Variants in ZSCAN32 observed in about 807,000 individuals in gnomAD.
ZSCAN32 encodes the protein zinc finger and SCAN domain containing 32, also known as zinc finger and SCAN domain-containing protein 32.
ZSCAN32 carries 52 observed loss-of-function variants against 47.4 expected under a neutral mutation model. The observed-to-expected ratio is 1.10, with a 90% CI of 0.88 to 1.38. The LOEUF is 1.38. ZSCAN32 is among the 40% of genes most tolerant of loss of function. ZSCAN32 has a pLI of 0.00. For missense variants in ZSCAN32, 959 were observed against 846.0 expected (o/e 1.13, Z -1.66); for synonymous variants, 346 against 305.7 (o/e 1.13, Z -1.38).
chr16:3,385,040 C>A, intron 5 of ZSCAN32, 99 bp from the exon 6 acceptor site: 1 of 1,426,890 alleles, frequency 7.0e-7, no homozygotes, highest in Non-Finnish European at 9.4e-7. Flanking sequence ...AAGTTACATC[C>A]TAGGCTGGAT....
chr16:3,390,970 T>C lies in ZSCAN32; in HGVS notation c.533-453A>G, dbSNP rs568356804. Among the ~76,000 whole-genome samples, 4 of 152,222 alleles carry C rather than the reference T, an allele frequency of 2.6e-5. No homozygotes were observed. In the East Asian group the frequency reaches 7.7e-4, roughly 29 times the overall value. ...TAAAATACCACAGTAACAGAAACCC[T>C]TCATATTTTTCACACCAAGATAATA... On this transcript the variant is annotated intron_variant, in intron 3 of 6. Transcript: ENST00000396852.
chr16:3,383,407 T>G lies in ZSCAN32; in HGVS notation c.1539A>C (p.Pro513=). ...GAGATACTTTTTCCAGTTTGAGCGC[T>G]GGCTTGTGGGGAGAGTGCACACTCT... The part of the protein sequence containing the change: ...CSQSVHSPHK[P]ALKLEKVSQC... Residue 513 remains proline (P), a synonymous_variant, in exon 7 of 7, where the codon CCA becomes CCC. Transcript: ENST00000396852. 1 of 1,614,212 alleles carries G rather than the reference T, an allele frequency of 6.2e-7. No individual in the cohort carries two copies. Among genetic ancestry groups the G allele is most frequent in the South Asian group, 1.1e-5 (1 of 91,088 alleles).
chr16:3,383,832 T>C (rs2031580963), intron 6 of ZSCAN32, 121 bp from the exon 7 acceptor site: 3 of 1,059,132 alleles, frequency 2.8e-6, no homozygotes, highest in African/African-American at 3.2e-5. Context: ...TGTGATTAAG[T>C]CTCCTGCTAA....
intron 4 of ZSCAN32, 51 bp downstream of exon 4, chr16:3,390,372 T>C: frequency 1.0e-5 from 15 of 1,485,488 alleles, no homozygotes; most frequent in Non-Finnish European, 1.4e-5. Context: ...GAGGAGGGTT[T>C]TGGGGTGAGA....
chr16:3,393,672 T>C lies in ZSCAN32; in HGVS notation c.509A>G (p.Gln170Arg). ...PTFKGSQSSH[Q>R]RPGEQSEAWL... Reference sequence around the variant, plus strand: ...ACCTTCTGACTGTTCCCCTGGTCTTTGGTGTGAGCTCTGTGATCCCTTAAA... The same window carrying C: ...ACCTTCTGACTGTTCCCCTGGTCTTCGGTGTGAGCTCTGTGATCCCTTAAA... The change falls in exon 3 of 7, where the codon CAA becomes CGA. Residue 170 changes from glutamine to arginine, a missense_variant. Physicochemically the swap from Gln to Arg is conservative, Grantham distance 43 (BLOSUM62 1). Transcript: ENST00000396852. 4.5e-6 allele frequency: 7 copies of C among 1,548,692 alleles called. No homozygotes were observed. The highest frequency in any genetic ancestry group is 6.1e-6 in the Non-Finnish European group (7 of 1,146,174).
intron 5 of ZSCAN32, among the ~76,000 whole-genome samples, chr16:3,389,265 G>C (rs996456029): frequency 2.0e-5 from 3 of 152,142 alleles, no homozygotes; most frequent in African/African-American, 7.2e-5. Flanking sequence ...CACACCACTG[G>C]GGAGGGCAAC....
rs1396774409 is a variant in ZSCAN32 at position 3,383,116 on chromosome 16, A to G, written c.1830T>C (p.Cys610=). 1 of 1,614,132 alleles carries G rather than the reference A, an allele frequency of 6.2e-7. No individual in the cohort carries two copies. Among genetic ancestry groups the G allele is most frequent in the Non-Finnish European group, 8.5e-7 (1 of 1,180,026 alleles). ...TGEKPYQCIV[C]GKRFNNSSQF... is the part of the protein sequence containing the mutation. The stretch of plus-strand genomic sequence containing the variant: ...GGGAACTGTTGTTGAATCTCTTTCC[A>G]CAGACAATGCACTGGTAAGGCTTTT... The change falls in exon 7 of 7, where the codon TGT becomes TGC. Residue 610 remains cysteine (C), a synonymous_variant. Transcript: ENST00000396852.
rs185754936 is a variant in ZSCAN32, at chr16:3,393,295, T to C, written c.532+354A>G. 3.0e-3 allele frequency among the ~76,000 whole-genome samples: 315 copies of C among 105,822 alleles called. 2 individuals are homozygous for C. Among genetic ancestry groups the C allele is most frequent in the South Asian group, 5.2e-3 (16 of 3,094 alleles). 69.4% of individuals were successfully genotyped at this position (105,822 alleles called of 152,430 possible). ...TGAGACAGCCCAGGCTGGAATACAG[T>C]GGTGCGATCTTGGCTGACTGCAACC... On this transcript the variant is annotated intron_variant, in intron 3 of 6. Coordinates refer to ENST00000396852, the MANE Select transcript of ZSCAN32 (RefSeq NM_001284527.2).
chr16:3,386,661 A>G (rs943023238), intron 5 of ZSCAN32, among the ~76,000 whole-genome samples: 5 of 152,200 alleles, frequency 3.3e-5, no homozygotes, highest in African/African-American at 1.2e-4. Context: ...TGAAGCTGGA[A>G]ACCATCATTC....
At chr16:3,398,613 C>T (rs1002781837) in intron 1 of ZSCAN32, among the ~76,000 whole-genome samples, 3 of 152,168 alleles carry the variant, frequency 2.0e-5, no homozygotes, top group Non-Finnish European at 4.4e-5. Context: ...TTCTCCCAGC[C>T]AAGATTCTGT....
Position 3,383,468 on chromosome 16 carries a change from G to C in ZSCAN32, c.1478C>G (p.Ala493Gly). 1.2e-6 allele frequency: 2 copies of C among 1,614,122 alleles called. No homozygotes were observed. The highest frequency in any genetic ancestry group is 2.2e-5 in the South Asian group (2 of 91,084). The change falls in exon 7 of 7, where the codon GCC (alanine) becomes GGC (glycine). Residue 493 changes from alanine (A) to glycine (G), a missense_variant. Coordinates refer to ENST00000396852, the MANE Select transcript of ZSCAN32 (RefSeq NM_001284527.2). ...SHQSFCARDKACTHILCGKNC... is the reference protein window; with the variant it reads ...SHQSFCARDKGCTHILCGKNC... ...TTTCCCACAGAGGATATGTGTACAGGCTTTGTCCCTGGCACAAAAACTCTG... is the reference window on the plus strand; with the variant it reads ...TTTCCCACAGAGGATATGTGTACAGCCTTTGTCCCTGGCACAAAAACTCTG...
chr16:3,392,464 C>T (rs1411996637), intron 3 of ZSCAN32, among the ~76,000 whole-genome samples: 1 of 151,150 alleles, frequency 6.6e-6, no homozygotes, highest in Non-Finnish European at 1.5e-5. Flanking sequence ...CCTCCCGCTT[C>T]AGCCTCCCAA....
Position 3,397,824 on chromosome 16 carries a change from TTC to T in ZSCAN32, c.-187-82_-187-81del. ...TTCTTGTGATTTACTTCCTATCCCT[TTC>T]CTTTACTCCCTCCACAAATCTACAC... On this transcript the variant is annotated intron_variant, in intron 1 of 6. Coordinates refer to ENST00000396852, the MANE Select transcript of ZSCAN32 (RefSeq NM_001284527.2). The T allele has an allele frequency of 2.3e-5, 7 of 304,514 alleles. No homozygotes were observed. The South Asian group carries it at 2.3e-4, about 10-fold the overall frequency. The allele number at this position is 304,514 out of a possible 1,614,324, so 18.9% of individuals were successfully genotyped here. A position where few individuals can be genotyped will look rare whatever the true frequency, so the allele number is the denominator to read the frequency against.
intron 5 of ZSCAN32, among the ~76,000 whole-genome samples, chr16:3,389,353 C>T (rs1328645786): frequency 6.6e-6 from 1 of 152,162 alleles, no homozygotes; most frequent in Admixed American, 6.5e-5. Flanking sequence ...TGGGCTTAGC[C>T]AGGAGTACCC....
chr16:3,385,243 T>C (rs1396779492), intron 5 of ZSCAN32, among the ~76,000 whole-genome samples: 2 of 152,130 alleles, frequency 1.3e-5, no homozygotes, highest in African/African-American at 4.8e-5. Context: ...GAAGAATCAC[T>C]TGAACCCAGG....
chr16:3,399,611 A>G (rs78311935), intron 1 of ZSCAN32, among the ~76,000 whole-genome samples: 6,690 of 152,150 alleles, frequency 0.044, 200 homozygotes, highest in Middle Eastern at 0.062. Flanking sequence ...AAATAATTTT[A>G]TTTGTTTTTT....
chr16:3,391,636 G>A (rs2032710989), intron 3 of ZSCAN32, among the ~76,000 whole-genome samples: 1 of 147,502 alleles, frequency 6.8e-6, no homozygotes, highest in African/African-American at 2.5e-5. Context: ...CCAACATCAT[G>A]CCGCTACACT....
At position 3,382,572 on chromosome 16, in the gene ZSCAN32, G is replaced by T; in HGVS notation, c.*280C>A. The T allele has an allele frequency of 3.4e-6, 1 of 295,882 alleles. No individual in the cohort carries two copies. Among genetic ancestry groups the T allele is most frequent in the Non-Finnish European group, 6.2e-6 (1 of 161,138 alleles). The allele number at this position is 295,882 out of a possible 1,614,324, so 18.3% of individuals were successfully genotyped here. A position where few individuals can be genotyped will look rare whatever the true frequency, so the allele number is the denominator to read the frequency against. On this transcript the variant is annotated 3_prime_UTR_variant, in exon 7 of 7. Transcript: ENST00000396852. ...GGACCACTGGGTGCCCATTCTCAGT[G>T]CTAGGAACAGGAAGACCCTGGTTTC... is the stretch of plus-strand genomic sequence containing the variant.
At chr16:3,395,217 A>G (rs1377190733) in intron 2 of ZSCAN32, among the ~76,000 whole-genome samples, 1 of 152,182 alleles carries the variant, frequency 6.6e-6, no homozygotes, top group East Asian at 1.9e-4. Flanking sequence ...ACTGAGAGGC[A>G]AGTGGGGTCC....
Sources: allele counts gnomAD v4.1 joint callset (sites outside exome capture counted in the v4.1 genomes callset), GRCh38; gene constraint gnomAD v4.1.1; transcripts MANE v1.5; gene names NCBI Gene and HGNC (gene_info 2026-07-23, HGNC 2026-07-21).